SENP5: variants seen among roughly 807,000 people sequenced by gnomAD.
SENP5 encodes the protein SUMO specific peptidase 5, also known as sentrin-specific protease 5.
SENP5 carries 21 observed loss-of-function variants against 74.2 expected under a neutral mutation model. The ratio of observed to expected loss-of-function variants is 0.28; its 90% confidence interval spans 0.20 to 0.41. The LOEUF (loss-of-function observed/expected upper bound fraction) is 0.41. SENP5 is among the 10% of genes least tolerant of loss of function. The pLI is 1.00. For missense variants in SENP5, 717 were observed against 889.1 expected (o/e 0.81, Z 2.46); for synonymous variants, 311 against 312.7 (o/e 0.99, Z 0.06).
At chr3:196,905,272 ACAGTAGTCAG>A (rs998738249) in intron 6 of SENP5, 1 of 152,218 alleles carries the variant, frequency 6.6e-6, no homozygotes, top group African/African-American at 2.4e-5. Context: ...TCACACCACA[ACAGTAGTCAG>A]CACAGAAGAC....
chr3:196,889,632 A>C (rs1031071347), intron 2 of SENP5, among the ~76,000 whole-genome samples: 1 of 152,238 alleles, frequency 6.6e-6, no homozygotes, highest in African/African-American at 2.4e-5. Flanking sequence ...AAGAGAATGA[A>C]GTAAGCTCAT....
chr3:196,894,572 A>G (rs1714362536), intron 2 of SENP5, among the ~76,000 whole-genome samples: 1 of 151,664 alleles, frequency 6.6e-6, no homozygotes, highest in Non-Finnish European at 1.5e-5. Context: ...GGGTCTGGGA[A>G]CCAATGAAAT....
intron 6 of SENP5, chr3:196,914,576 A>T (rs1220066996): frequency 1.3e-5 from 1 of 75,434 alleles, no homozygotes; most frequent in East Asian, 2.6e-4. Flanking sequence ...AAAAAAAAAA[A>T]AAAAAAAAAA....
At chr3:196,914,586 A>AAAAAAAAAAATAT in intron 6 of SENP5, 7 of 33,500 alleles carry the variant, frequency 2.1e-4, no homozygotes, top group African/African-American at 8.9e-4. Context: ...AAAAAAAAAA[A>AAAAAAAAAAATAT]ATATATATAT....
At chr3:196,921,375 T>A (rs1049906351) in intron 6 of SENP5, among the ~76,000 whole-genome samples, 2 of 152,208 alleles carry the variant, frequency 1.3e-5, no homozygotes, top group Non-Finnish European at 2.9e-5. Flanking sequence ...TTGGAGGATT[T>A]CAGGTTTTTG....
At chr3:196,900,333 T>G in intron 4 of SENP5, 32 bp from the exon 5 acceptor site, 1 of 1,581,506 alleles carries the variant, frequency 6.3e-7, no homozygotes, top group Admixed American at 1.8e-5. Flanking sequence ...CTGGCAGAGA[T>G]AGTAAGCTGG....
intron 4 of SENP5, 56 bp from the exon 5 acceptor site, chr3:196,900,309 T>G: frequency 4.0e-6 from 6 of 1,516,120 alleles, no homozygotes; most frequent in Non-Finnish European, 5.4e-6. Flanking sequence ...TTTGTTTTTC[T>G]TTCTCCAACT....
At chr3:196,879,679 A>G (rs1006142166) in intron 1 of SENP5, among the ~76,000 whole-genome samples, 3 of 152,140 alleles carry the variant, frequency 2.0e-5, no homozygotes, top group African/African-American at 7.2e-5. Flanking sequence ...CATATTTGCC[A>G]GAGTACCTTC....
At chr3:196,887,001 C>G (rs1459557385) in intron 2 of SENP5, among the ~76,000 whole-genome samples, 1 of 152,152 alleles carries the variant, frequency 6.6e-6, no homozygotes, top group Non-Finnish European at 1.5e-5. Flanking sequence ...AATATTCACA[C>G]TTAAAATTTT....
intron 8 of SENP5, among the ~76,000 whole-genome samples, 187 bp downstream of exon 8, chr3:196,928,066 C>T (rs1715882557): frequency 6.6e-6 from 1 of 152,170 alleles, no homozygotes; most frequent in African/African-American, 2.4e-5. Context: ...CCCAGTGCTT[C>T]CCGGGAGCAA....
At chr3:196,905,525 AT>A (rs896743078) in intron 6 of SENP5, among the ~76,000 whole-genome samples, 1 of 152,158 alleles carries the variant, frequency 6.6e-6, no homozygotes, top group Non-Finnish European at 1.5e-5. Flanking sequence ...CTTGAATTTG[AT>A]TAATTTGCCG....
intron 1 of SENP5, among the ~76,000 whole-genome samples, chr3:196,877,405 G>T (rs1323685984): frequency 6.6e-6 from 1 of 152,028 alleles, no homozygotes; most frequent in Non-Finnish European, 1.5e-5. Context: ...GGCTGGTCTG[G>T]AACTCCTGAC....
intron 1 of SENP5, among the ~76,000 whole-genome samples, chr3:196,877,482 G>T (rs1713531017): frequency 1.3e-5 from 2 of 152,064 alleles, no homozygotes; most frequent in East Asian, 3.9e-4. Flanking sequence ...ACCGTGCCCG[G>T]CCACTATCTC....
intron 2 of SENP5, among the ~76,000 whole-genome samples, chr3:196,891,723 C>T (rs939135940): frequency 2.6e-5 from 4 of 152,224 alleles, no homozygotes; most frequent in African/African-American, 9.6e-5. Flanking sequence ...TGCTTGAAGC[C>T]AGGAGTTTGA....
chr3:196,885,285 A>C lies in SENP5; in HGVS notation c.104A>C (p.Gln35Pro). ...GGCTTTAAGAAGTTTTATTTTCACC[A>C]ACACTTGTGCATTCTGAAAGCTAAG... The part of the protein sequence containing the change: ...FGGFKKFYFH[Q>P]HLCILKAKLG... Residue 35 changes from glutamine to proline, a missense_variant, in exon 2 of 10, where the codon CAA (glutamine) becomes CCA (proline). Physicochemically the swap from Gln to Pro is moderately conservative, Grantham distance 76. This residue lies in a region of SENP5 where 567 missense variants were observed against 577.4 expected (regional missense o/e 0.98). Coordinates refer to ENST00000323460, the MANE Select transcript of SENP5 (RefSeq NM_152699.5). 1.9e-6 allele frequency: 3 copies of C among 1,614,162 alleles called. No homozygotes were observed. The highest frequency in any genetic ancestry group is 1.7e-6 in the Non-Finnish European group (2 of 1,180,020).
Position 196,933,984 on chromosome 3 carries a change from T to C in SENP5, c.*3061T>C, listed in dbSNP as rs1716147834. On this transcript the variant is annotated 3_prime_UTR_variant, in exon 10 of 10. Coordinates refer to ENST00000323460, the MANE Select transcript of SENP5 (RefSeq NM_152699.5). The stretch of plus-strand genomic sequence containing the variant: ...GACGAGCCTTCAACAAGCTGCCCAG[T>C]CCTCTCCTCAGCAGACGCATCAGGT... 6.6e-6 allele frequency: 1 copy of C among 152,214 alleles called. No homozygotes were observed. Among genetic ancestry groups the C allele is most frequent in the South Asian group, 2.1e-4 (1 of 4,830 alleles). The allele number at this position is 152,214 out of a possible 1,614,324, so 9.4% of individuals were successfully genotyped here.
chr3:196,903,664 C>T (rs1714789231), intron 6 of SENP5, 54 bp downstream of exon 6: 1 of 1,096,452 alleles, frequency 9.1e-7, no homozygotes. Flanking sequence ...TGATAAACCA[C>T]TTTGTGTGGA....
At chr3:196,928,666 TAACCCA>T (rs1715907496) in intron 8 of SENP5, among the ~76,000 whole-genome samples, 1 of 152,166 alleles carries the variant, frequency 6.6e-6, no homozygotes, top group Non-Finnish European at 1.5e-5. Context: ...AACAAACCTT[TAACCCA>T]AACCCAAAGA....
At chr3:196,878,812 G>A (rs1000709336) in intron 1 of SENP5, among the ~76,000 whole-genome samples, 5 of 151,996 alleles carry the variant, frequency 3.3e-5, no homozygotes, top group African/African-American at 9.7e-5. Flanking sequence ...GGCTGGTCTC[G>A]AACTCCTGAC....
Sources: gnomAD v4.1 joint callset for allele counts (sites outside exome capture counted in the v4.1 genomes callset) on GRCh38, gnomAD v4.1.1 for gene constraint, gnomAD v4.1.1 regional missense constraint, MANE v1.5 for transcripts, NCBI Gene and HGNC (gene_info 2026-07-23, HGNC 2026-07-21) for gene names.